The following ANKS1B variants were observed in gnomAD, a reference collection of about 807,000 sequenced individuals.
ANKS1B encodes the protein ankyrin repeat and sterile alpha motif domain-containing protein 1B.
Under a neutral mutation model 148.3 loss-of-function variants are expected in ANKS1B, and 36 were observed. The ratio of observed to expected loss-of-function variants is 0.24; its 90% CI spans 0.19 to 0.32. The LOEUF (loss-of-function observed/expected upper bound fraction) is 0.32, where lower values mean the gene tolerates loss of function less well. ANKS1B is among the 10% of genes least tolerant of loss of function. The pLI is 1.00. For missense variants in ANKS1B, 1,157 were observed against 1,542.6 expected (o/e 0.75, Z 4.19); for synonymous variants, 542 against 560.8 (o/e 0.97, Z 0.47).
intron 9 of ANKS1B, among the ~76,000 whole-genome samples, chr12:99,607,166 C>T (rs1322707080): frequency 1.3e-5 from 2 of 152,068 alleles, no homozygotes; most frequent in Admixed American, 1.3e-4. Context: ...CTAGGCGCTG[C>T]AGAAACACAC....
rs371450243 is a variant in ANKS1B, at chr12:99,701,408, T to C, written c.1129-46198A>G. ...TCTTGTATTTTTTTATTTTTATGGG[T>C]ACATAGTAGGTGTATATATTTATGA... is the stretch of plus-strand genomic sequence containing the variant. On this transcript the variant is annotated intron_variant, in intron 8 of 26. Transcript: ENST00000683438. 7.1e-4 allele frequency among the ~76,000 whole-genome samples: 108 copies of C among 152,266 alleles called. 3 individuals are homozygous for C. In the Middle Eastern group the frequency reaches 0.01, roughly 14 times the overall value.
At chr12:99,669,509 C>T (rs1290417008) in intron 8 of ANKS1B, among the ~76,000 whole-genome samples, 1 of 152,082 alleles carries the variant, frequency 6.6e-6, no homozygotes, top group African/African-American at 2.4e-5. Context: ...GACTTACGTT[C>T]CCTCTGGAAT....
chr12:99,896,582 A>T (rs1362493145), intron 1 of ANKS1B, among the ~76,000 whole-genome samples: 1 of 151,212 alleles, frequency 6.6e-6, no homozygotes, highest in Non-Finnish European at 1.5e-5. Flanking sequence ...ATAAAGAGCC[A>T]TCTCTGGTGC....
intron 22 of ANKS1B, chr12:98,794,581 A>G: frequency 1.3e-6 from 1 of 761,556 alleles, no homozygotes; most frequent in Middle Eastern, 3.7e-4. Context: ...CAGATTTTGT[A>G]AATCTAAATG....
intron 16 of ANKS1B, among the ~76,000 whole-genome samples, chr12:99,083,062 C>G (rs2050381618): frequency 6.6e-6 from 1 of 152,056 alleles, no homozygotes; most frequent in African/African-American, 2.4e-5. Flanking sequence ...TTATTCTTTT[C>G]CATTTAGTGT....
intron 1 of ANKS1B, among the ~76,000 whole-genome samples, chr12:99,905,602 C>T (rs935927979): frequency 1.3e-5 from 2 of 152,194 alleles, no homozygotes; most frequent in African/African-American, 4.8e-5. Context: ...GCTTAAACAA[C>T]AGAAATTTGT....
rs1211462488 is a variant in ANKS1B, at chr12:99,225,907, C to G, written c.2419+18435G>C. 2.6e-5 allele frequency among the ~76,000 whole-genome samples: 4 copies of G among 152,194 alleles called. No homozygotes were observed. The East Asian group carries it at 7.7e-4, about 29-fold the overall frequency. ...GAGTCAATATTCCTTAATAAACTCCCCATCCATCCTATTAGTTCTGTCCCT... is the reference window on the plus strand; with the variant it reads ...GAGTCAATATTCCTTAATAAACTCCGCATCCATCCTATTAGTTCTGTCCCT... On this transcript the variant is annotated intron_variant, in intron 14 of 26. Coordinates refer to ENST00000683438, the MANE Select transcript of ANKS1B (RefSeq NM_001352186.2).
At chr12:99,068,969 A>C (rs1404854153) in intron 16 of ANKS1B, among the ~76,000 whole-genome samples, 1 of 152,172 alleles carries the variant, frequency 6.6e-6, no homozygotes, top group East Asian at 1.9e-4. Flanking sequence ...TTTTCCACAT[A>C]GTATTCTAGT....
At chr12:98,876,913 C>G (rs2152458476) in intron 17 of ANKS1B, among the ~76,000 whole-genome samples, 1 of 152,270 alleles carries the variant, frequency 6.6e-6, no homozygotes. Context: ...CTTTTGGAAG[C>G]AGCATTTTAT....
At chr12:99,010,282 A>G (rs2153406996) in intron 17 of ANKS1B, among the ~76,000 whole-genome samples, 1 of 152,366 alleles carries the variant, frequency 6.6e-6, no homozygotes, top group South Asian at 2.1e-4. Flanking sequence ...TTTATAAAAC[A>G]GGAGTAATAT....
chr12:99,236,151 G>T (rs2087873644), intron 14 of ANKS1B, among the ~76,000 whole-genome samples: 1 of 152,230 alleles, frequency 6.6e-6, no homozygotes, highest in Non-Finnish European at 1.5e-5. Context: ...GTTAGCAGTT[G>T]TAATGATGCA....
intron 1 of ANKS1B, among the ~76,000 whole-genome samples, chr12:99,969,870 C>T (rs532667013): frequency 1.3e-5 from 2 of 152,292 alleles, no homozygotes; most frequent in South Asian, 2.1e-4. Context: ...TATAAAACTA[C>T]TGACTTTGTA....
chr12:99,249,471 T>C (rs559047644), intron 12 of ANKS1B, among the ~76,000 whole-genome samples: 1 of 152,314 alleles, frequency 6.6e-6, no homozygotes, highest in South Asian at 2.1e-4. Context: ...ATAATTTCAT[T>C]GTTAGCTTAT....
chr12:99,202,617 C>T (rs758513263), intron 14 of ANKS1B, among the ~76,000 whole-genome samples: 30 of 152,340 alleles, frequency 2.0e-4, no homozygotes, highest in Middle Eastern at 6.8e-3. Flanking sequence ...GTAATAATCT[C>T]TCCAGCCTAC....
chr12:98,931,285 A>C (rs1050294061), intron 17 of ANKS1B, among the ~76,000 whole-genome samples: 1 of 152,170 alleles, frequency 6.6e-6, no homozygotes, highest in Non-Finnish European at 1.5e-5. Context: ...AGAACTTCAA[A>C]TTAGAGAAAC....
intron 10 of ANKS1B, among the ~76,000 whole-genome samples, chr12:99,469,286 G>A (rs1403479492): frequency 5.4e-5 from 6 of 111,272 alleles, no homozygotes; most frequent in African/African-American, 2.1e-4. Flanking sequence ...TCTGGGGACT[G>A]TTGTGGGGTG....
intron 17 of ANKS1B, among the ~76,000 whole-genome samples, chr12:98,973,962 G>T (rs2099886894): frequency 6.6e-6 from 1 of 152,006 alleles, no homozygotes; most frequent in Non-Finnish European, 1.5e-5. Context: ...TATAGGGTTT[G>T]GTACTAACCA....
intron 6 of ANKS1B, among the ~76,000 whole-genome samples, chr12:99,777,480 C>T (rs1190086308): frequency 6.6e-6 from 1 of 152,160 alleles, no homozygotes; most frequent in East Asian, 1.9e-4. Context: ...TTAAAAAGTC[C>T]ATGGTTATGT....
chr12:99,261,951 C>T (rs1333451954), intron 12 of ANKS1B, among the ~76,000 whole-genome samples: 1 of 152,102 alleles, frequency 6.6e-6, no homozygotes, highest in Non-Finnish European at 1.5e-5. Flanking sequence ...GCTCCTACTA[C>T]ACTCCTTTTC....
Sources: gnomAD v4.1 joint callset for allele counts (sites outside exome capture counted in the v4.1 genomes callset) on GRCh38, gnomAD v4.1.1 for gene constraint, MANE v1.5 for transcripts, NCBI Gene and HGNC (gene_info 2026-07-23, HGNC 2026-07-21) for gene names.